FAM193A: variants seen among roughly 807,000 people sequenced by gnomAD.
The protein encoded by FAM193A is family with sequence similarity 193 member A, also known as protein FAM193A.
In FAM193A, 22 loss-of-function variants were observed where a neutral mutation model predicts 126.5. That is an observed-to-expected ratio of 0.17 (90% CI 0.12 to 0.25). FAM193A has a LOEUF of 0.25. Ranked by LOEUF, FAM193A falls within the 10% of genes least tolerant of loss-of-function variation. The pLI is 1.00. For synonymous variants in FAM193A, 761 were observed against 646.8 expected (o/e 1.18, Z -2.68); for missense variants, 1,675 against 1,672.8 (o/e 1.00, Z -0.02).
chr4:2,694,751 A>G (rs1235395319), intron 16 of FAM193A, among the ~76,000 whole-genome samples, 195 bp from the exon 17 acceptor site: 1 of 152,130 alleles, frequency 6.6e-6, no homozygotes, highest in African/African-American at 2.4e-5. Context: ...GCCTGCATGC[A>G]TGCGCACACG....
chr4:2,717,778 C>T (rs980133655), intron 20 of FAM193A, among the ~76,000 whole-genome samples: 3 of 150,684 alleles, frequency 2.0e-5, no homozygotes, highest in Non-Finnish European at 4.4e-5. Flanking sequence ...AAAAATTCCC[C>T]GAGTAGCTGG....
At chr4:2,653,801 T>G (rs1337538299) in intron 7 of FAM193A, among the ~76,000 whole-genome samples, 1 of 152,198 alleles carries the variant, frequency 6.6e-6, no homozygotes, top group African/African-American at 2.4e-5. Flanking sequence ...AATCTGCCAC[T>G]AATACAATTG....
chr4:2,659,989 C>T lies in FAM193A; in HGVS notation c.1680C>T (p.Ser560=). ...CTGCAAGCTCGGGGTCCGGCTCCAGCTCTCCCATCACAATTCAGCAGCACC... is the reference window on the plus strand; with the variant it reads ...CTGCAAGCTCGGGGTCCGGCTCCAGTTCTCCCATCACAATTCAGCAGCACC... The part of the protein sequence containing the change: ...VSSASSGSGS[S]SPITIQQHPR... The change falls in exon 10 of 21, where the codon AGC becomes AGT. Residue 560 remains serine, a synonymous_variant. Transcript: ENST00000637812. 6.2e-7 allele frequency: 1 copy of T among 1,614,188 alleles called. No individual in the cohort carries two copies. The highest frequency in any genetic ancestry group is 8.5e-7 in the Non-Finnish European group (1 of 1,180,034).
intron 18 of FAM193A, among the ~76,000 whole-genome samples, chr4:2,697,768 T>A (rs1433111002): frequency 3.3e-5 from 5 of 152,218 alleles, no homozygotes; most frequent in Admixed American, 6.5e-5. Flanking sequence ...GGGAGAAGCC[T>A]TGTCCCGTGC....
At chr4:2,633,074 A>G (rs1743753651) in intron 5 of FAM193A, among the ~76,000 whole-genome samples, 1 of 152,198 alleles carries the variant, frequency 6.6e-6, no homozygotes. Context: ...TATTAGAGCA[A>G]ATTCCTAGCA....
intron 1 of FAM193A, among the ~76,000 whole-genome samples, chr4:2,544,398 A>G (rs1737423319): frequency 1.3e-5 from 2 of 152,134 alleles, no homozygotes; most frequent in South Asian, 2.1e-4. Context: ...TGTCTCAACA[A>G]AAAACTTAAT....
intron 4 of FAM193A, among the ~76,000 whole-genome samples, chr4:2,629,903 C>G (rs540264895): frequency 6.6e-6 from 1 of 152,232 alleles, no homozygotes; most frequent in Non-Finnish European, 1.5e-5. Flanking sequence ...GAGGCCAAGG[C>G]GGGCGGATCA....
intron 1 of FAM193A, among the ~76,000 whole-genome samples, chr4:2,539,627 G>T (rs1737101704): frequency 6.6e-6 from 1 of 151,758 alleles, no homozygotes; most frequent in Non-Finnish European, 1.5e-5. Flanking sequence ...GGCTTGTCTT[G>T]AACTCTTGAC....
At chr4:2,656,669 CA>C (rs1266765523) in intron 7 of FAM193A, among the ~76,000 whole-genome samples, 1 of 152,144 alleles carries the variant, frequency 6.6e-6, no homozygotes, top group East Asian at 1.9e-4. Context: ...CACTTGGGTC[CA>C]ACAGTCTTCA....
chr4:2,696,699 C>T, intron 18 of FAM193A, 106 bp downstream of exon 18: 1 of 797,342 alleles, frequency 1.3e-6, no homozygotes, highest in East Asian at 2.7e-5. Flanking sequence ...GGTCGGGGCT[C>T]TGACGTGTGT....
At chr4:2,683,847 G>A (rs539663410) in intron 13 of FAM193A, among the ~76,000 whole-genome samples, 2 of 152,164 alleles carry the variant, frequency 1.3e-5, no homozygotes, top group Non-Finnish European at 2.9e-5. Context: ...TGGGGATATT[G>A]TTTCTGTTTT....
intron 7 of FAM193A, among the ~76,000 whole-genome samples, chr4:2,649,551 G>A (rs983926982): frequency 4.0e-5 from 6 of 151,670 alleles, no homozygotes; most frequent in Non-Finnish European, 7.4e-5. Flanking sequence ...GTGCACTTGT[G>A]GTTTCAGCTA....
At chr4:2,587,997 A>T (rs1401422773) in intron 1 of FAM193A, among the ~76,000 whole-genome samples, 1 of 152,134 alleles carries the variant, frequency 6.6e-6, no homozygotes, top group Middle Eastern at 3.2e-3. Flanking sequence ...ATTGGAGAGG[A>T]GGGCACAGGC....
chr4:2,546,652 C>G (rs1309098131), intron 1 of FAM193A, among the ~76,000 whole-genome samples: 1 of 152,136 alleles, frequency 6.6e-6, no homozygotes, highest in African/African-American at 2.4e-5. Context: ...AAATGTACCA[C>G]AGTTTGTCCA....
chr4:2,649,583 G>A (rs1745468645), intron 7 of FAM193A, among the ~76,000 whole-genome samples: 1 of 152,038 alleles, frequency 6.6e-6, no homozygotes, highest in African/African-American at 2.4e-5. Flanking sequence ...GAGATGGGAG[G>A]ATCACTTGAG....
intron 2 of FAM193A, among the ~76,000 whole-genome samples, chr4:2,616,766 T>C (rs1328016473): frequency 1.3e-5 from 2 of 151,752 alleles, no homozygotes; most frequent in Admixed American, 6.6e-5. Flanking sequence ...GGTTTCACCA[T>C]GTTATTAGCC....
chr4:2,644,466 C>T (rs1040455827), intron 6 of FAM193A, among the ~76,000 whole-genome samples: 2 of 152,188 alleles, frequency 1.3e-5, no homozygotes, highest in African/African-American at 4.8e-5. Flanking sequence ...AGAAAAACTA[C>T]TTCACGGGCT....
chr4:2,575,445 G>C (rs1311909459), intron 1 of FAM193A, among the ~76,000 whole-genome samples: 1 of 151,294 alleles, frequency 6.6e-6, no homozygotes, highest in Admixed American at 6.6e-5. Context: ...AAATGTGTTG[G>C]GTATTTGTTA....
chr4:2,728,238 A>ATTTTTTTTTTT (rs58609064), intron 20 of FAM193A, among the ~76,000 whole-genome samples: 2 of 82,058 alleles, frequency 2.4e-5, no homozygotes, highest in Admixed American at 1.7e-4. Flanking sequence ...ACCCGGCCCA[A>ATTTTTTTTTTT]TTTTTTTTTT....
Sources: allele counts gnomAD v4.1 joint callset (sites outside exome capture counted in the v4.1 genomes callset), GRCh38; gene constraint gnomAD v4.1.1; transcripts MANE v1.5; gene names NCBI Gene and HGNC (gene_info 2026-07-23, HGNC 2026-07-21).